LRRTM4: variants seen among roughly 807,000 people sequenced by gnomAD.
The protein encoded by LRRTM4 is leucine rich repeat transmembrane neuronal 4, also known as leucine-rich repeat transmembrane neuronal protein 4.
In LRRTM4, 25 loss-of-function variants were observed where a neutral mutation model predicts 47.6. That is an observed-to-expected ratio of 0.53 (90% CI 0.38 to 0.73). LRRTM4 has a LOEUF of 0.73. Among genes scored for constraint, LRRTM4 ranks in the 30% least tolerant of loss-of-function variants. The probability of loss-of-function intolerance (pLI) is 0.00; values close to 1 mark genes in which losing one functional copy is unlikely to be tolerated. For synonymous variants in LRRTM4, 311 were observed against 269.5 expected (o/e 1.15, Z -1.51); for missense variants, 638 against 713.4 (o/e 0.89, Z 1.20).
intron 3 of LRRTM4, among the ~76,000 whole-genome samples, chr2:77,225,116 A>G (rs1298598985): frequency 1.3e-5 from 2 of 151,442 alleles, no homozygotes. Context: ...TCACAAGGAC[A>G]AAAAGCAAAC....
At chr2:76,828,902 A>G (rs540718105) in intron 3 of LRRTM4, among the ~76,000 whole-genome samples, 4 of 152,048 alleles carry the variant, frequency 2.6e-5, no homozygotes, top group Non-Finnish European at 5.9e-5. Context: ...GATCCCTAAT[A>G]ACTAATCAGA....
intron 3 of LRRTM4, among the ~76,000 whole-genome samples, chr2:77,380,709 T>C (rs1029470879): frequency 6.6e-6 from 1 of 151,540 alleles, no homozygotes; most frequent in African/African-American, 2.4e-5. Flanking sequence ...GGCAGGAGAA[T>C]CGCTTGAACC....
intron 3 of LRRTM4, among the ~76,000 whole-genome samples, chr2:77,274,442 T>C (rs60658941): frequency 0.16 from 23,863 of 152,038 alleles, 4,044 homozygotes; most frequent in African/African-American, 0.43. Flanking sequence ...ATATCTCTTA[T>C]GGGAAGAATT....
chr2:77,170,668 GCATCTTTAAA>G (rs1437132862), intron 3 of LRRTM4, among the ~76,000 whole-genome samples: 1 of 152,116 alleles, frequency 6.6e-6, no homozygotes, highest in Non-Finnish European at 1.5e-5. Context: ...TGGCAGAAAA[GCATCTTTAAA>G]CTTCTGTTTT....
chr2:77,487,569 G>A (rs1158158971), intron 3 of LRRTM4, among the ~76,000 whole-genome samples: 1 of 152,146 alleles, frequency 6.6e-6, no homozygotes, highest in Non-Finnish European at 1.5e-5. Context: ...AAGAGCCTGG[G>A]TGCCATGGAT....
At chr2:77,359,864 A>G (rs1235259766) in intron 3 of LRRTM4, among the ~76,000 whole-genome samples, 1 of 152,184 alleles carries the variant, frequency 6.6e-6, no homozygotes, top group Non-Finnish European at 1.5e-5. Context: ...GTTCCTTTGC[A>G]CTTCTATTCA....
intron 3 of LRRTM4, among the ~76,000 whole-genome samples, chr2:76,929,954 TGTG>T (rs1411685738): frequency 1.3e-5 from 2 of 151,634 alleles, no homozygotes; most frequent in Non-Finnish European, 2.9e-5. Context: ...TGTGTGTGTG[TGTG>T]TGTTTTAAAT....
chr2:77,120,855 C>A (rs1671504081), intron 3 of LRRTM4, among the ~76,000 whole-genome samples: 2 of 151,806 alleles, frequency 1.3e-5, no homozygotes, highest in African/African-American at 4.8e-5. Flanking sequence ...CTTTTTCTAC[C>A]AACATTTCTT....
chr2:77,223,665 C>A (rs1674714103), intron 3 of LRRTM4, among the ~76,000 whole-genome samples: 1 of 152,046 alleles, frequency 6.6e-6, no homozygotes, highest in Non-Finnish European at 1.5e-5. Context: ...ATGTGAAGAA[C>A]CTCTTCACGG....
chr2:77,316,870 G>A (rs1426336886), intron 3 of LRRTM4, among the ~76,000 whole-genome samples: 2 of 152,140 alleles, frequency 1.3e-5, no homozygotes, highest in Non-Finnish European at 2.9e-5. Context: ...AAGGCAATTT[G>A]CCAATTAAGT....
intron 3 of LRRTM4, among the ~76,000 whole-genome samples, chr2:76,761,889 T>C (rs1043081315): frequency 6.6e-6 from 1 of 152,212 alleles, no homozygotes; most frequent in South Asian, 2.1e-4. Context: ...AATATTAATA[T>C]GTAGGGGGAC....
intron 3 of LRRTM4, among the ~76,000 whole-genome samples, chr2:77,232,506 T>C (rs1384243338): frequency 6.6e-6 from 1 of 152,248 alleles, no homozygotes; most frequent in Non-Finnish European, 1.5e-5. Flanking sequence ...CAATTTTCTC[T>C]TGTGCCTTCA....
At chr2:76,929,089 T>C (rs1674682149) in intron 3 of LRRTM4, among the ~76,000 whole-genome samples, 1 of 152,180 alleles carries the variant, frequency 6.6e-6, no homozygotes, top group Non-Finnish European at 1.5e-5. Flanking sequence ...TATGATAATG[T>C]TGACTACATA....
intron 3 of LRRTM4, among the ~76,000 whole-genome samples, chr2:76,766,826 G>GT (rs1673475211): frequency 6.6e-6 from 1 of 152,114 alleles, no homozygotes; most frequent in South Asian, 2.1e-4. Context: ...GGCAAGGGGT[G>GT]TTTCTAAACA....
Position 77,519,059 on chromosome 2 carries a change from C to T in LRRTM4, c.810G>A (p.Pro270=), listed in dbSNP as rs1403286163. 1.2e-6 allele frequency: 2 copies of T among 1,612,216 alleles called. No homozygotes were observed. Among genetic ancestry groups the T allele is most frequent in the Non-Finnish European group, 1.7e-6 (2 of 1,179,220 alleles). ...AATTGGGGAGGCATTTAAATGTGCC[C>T]GGCTCAATTCCTTGGATGTCATTCC... is the stretch of plus-strand genomic sequence containing the variant. The part of the protein sequence containing the change: ...LSGNDIQGIE[P]GTFKCLPNLQ... The change falls in exon 3 of 4, where the codon CCG becomes CCA. Residue 270 remains proline, a synonymous_variant. Transcript: ENST00000409884. This position sits in a 1 kb window ranked among gnomAD's most constrained non-coding sequence, Gnocchi z 4.6.
At chr2:77,177,549 C>G (rs1182387953) in intron 3 of LRRTM4, among the ~76,000 whole-genome samples, 2 of 152,132 alleles carry the variant, frequency 1.3e-5, no homozygotes, top group Non-Finnish European at 2.9e-5. Flanking sequence ...GGTGCAGAAA[C>G]CTATGTCTTC....
chr2:76,933,734 T>C (rs1432202464), intron 3 of LRRTM4, among the ~76,000 whole-genome samples: 1 of 152,082 alleles, frequency 6.6e-6, no homozygotes, highest in Non-Finnish European at 1.5e-5. Flanking sequence ...ACTGATGATT[T>C]AAATAAATAA....
At chr2:76,793,910 A>C (rs2103727822) in intron 3 of LRRTM4, among the ~76,000 whole-genome samples, 1 of 152,306 alleles carries the variant, frequency 6.6e-6, no homozygotes, top group Admixed American at 6.5e-5. Flanking sequence ...TGGGACAGTA[A>C]TTGCTTCTAT....
chr2:76,804,762 CAA>C (rs1491137864), intron 3 of LRRTM4, among the ~76,000 whole-genome samples: 6 of 139,656 alleles, frequency 4.3e-5, no homozygotes, highest in East Asian at 4.6e-4. Flanking sequence ...TGTTTTATAA[CAA>C]TATATATATC....
Sources: gnomAD v4.1 joint callset for allele counts (sites outside exome capture counted in the v4.1 genomes callset) on GRCh38, gnomAD v4.1.1 for gene constraint, Gnocchi (gnomAD v3.1) non-coding constraint, MANE v1.5 for transcripts, NCBI Gene and HGNC (gene_info 2026-07-23, HGNC 2026-07-21) for gene names.